The following NKAIN2 variants were observed in gnomAD, a reference collection of about 807,000 sequenced individuals.
NKAIN2 encodes the protein sodium/potassium-transporting ATPase subunit beta-1-interacting protein 2.
Under a neutral mutation model 32.6 loss-of-function variants are expected in NKAIN2, and 14 were observed. That is an observed-to-expected ratio of 0.43 (90% CI 0.28 to 0.67). The LOEUF (loss-of-function observed/expected upper bound fraction) is 0.67. NKAIN2 is among the 30% of genes least tolerant of loss of function. NKAIN2 has a pLI of 0.17. For synonymous variants in NKAIN2, 80 were observed against 87.2 expected, an observed-to-expected ratio of 0.92 and a Z score of 0.46; for missense variants, 198 against 258.3, an observed-to-expected ratio of 0.77 and a Z score of 1.60.
At chr6:124,008,990 A>G (rs1780203083) in intron 1 of NKAIN2, among the ~76,000 whole-genome samples, 1 of 152,202 alleles carries the variant, frequency 6.6e-6, no homozygotes, top group Non-Finnish European at 1.5e-5. Context: ...CATGTACTTT[A>G]AGACGGTATT....
intron 1 of NKAIN2, among the ~76,000 whole-genome samples, chr6:123,835,856 T>C (rs923773036): frequency 6.6e-6 from 1 of 152,168 alleles, no homozygotes; most frequent in Non-Finnish European, 1.5e-5. Flanking sequence ...GGTTCATGGT[T>C]GGACAGTACA....
chr6:124,273,285 A>G (rs149897682), intron 1 of NKAIN2, among the ~76,000 whole-genome samples: 338 of 142,800 alleles, frequency 2.4e-3, no homozygotes, highest in African/African-American at 8.9e-3. Flanking sequence ...AGTTTCCCCC[A>G]TGCTGTTCTC....
chr6:124,807,694 T>C (rs1483807585), intron 5 of NKAIN2, among the ~76,000 whole-genome samples: 1 of 150,606 alleles, frequency 6.6e-6, no homozygotes, highest in African/African-American at 2.4e-5. Flanking sequence ...AATTAATGAA[T>C]CCAGGAGCTG....
At chr6:124,593,161 A>T (rs2114965137) in intron 3 of NKAIN2, among the ~76,000 whole-genome samples, 1 of 152,044 alleles carries the variant, frequency 6.6e-6, no homozygotes, top group African/African-American at 2.4e-5. Flanking sequence ...GATTTACTCT[A>T]ATGGGAATGC....
intron 1 of NKAIN2, among the ~76,000 whole-genome samples, chr6:123,926,691 G>A (rs28561074): frequency 0.31 from 47,552 of 152,050 alleles, 8,349 homozygotes; most frequent in East Asian, 0.64. Flanking sequence ...TTCAGACTGT[G>A]TTAATATTTT....
At chr6:124,674,437 G>A (rs1330940143) in intron 4 of NKAIN2, among the ~76,000 whole-genome samples, 5 of 151,870 alleles carry the variant, frequency 3.3e-5, no homozygotes, top group Admixed American at 3.3e-4. Context: ...TGAATCTGTA[G>A]ATTGTTTCCG....
At chr6:123,888,454 TA>T (rs1292231523) in intron 1 of NKAIN2, among the ~76,000 whole-genome samples, 2 of 152,116 alleles carry the variant, frequency 1.3e-5, no homozygotes, top group African/African-American at 4.8e-5. Flanking sequence ...AGAAGGAGCA[TA>T]AGGGAGAAAA....
chr6:124,139,704 T>A (rs1787041362), intron 1 of NKAIN2, among the ~76,000 whole-genome samples: 2 of 152,160 alleles, frequency 1.3e-5, no homozygotes. Context: ...CCTATAAGAT[T>A]TAAAGGTCTT....
intron 3 of NKAIN2, among the ~76,000 whole-genome samples, chr6:124,427,798 G>A (rs2114554049): frequency 6.6e-6 from 1 of 152,250 alleles, no homozygotes; most frequent in East Asian, 1.9e-4. Flanking sequence ...CTGATGTGAT[G>A]GAAGTCTATT....
intron 4 of NKAIN2, among the ~76,000 whole-genome samples, chr6:124,732,799 G>A (rs565991551): frequency 6.4e-4 from 97 of 151,910 alleles, no homozygotes; most frequent in South Asian, 4.8e-3. Context: ...TTTACTTTAT[G>A]TTCTAGTAAT....
intron 5 of NKAIN2, among the ~76,000 whole-genome samples, chr6:124,803,977 G>C (rs1455216928): frequency 6.6e-6 from 1 of 152,030 alleles, no homozygotes; most frequent in Admixed American, 6.6e-5. Flanking sequence ...ATAACCCTTC[G>C]AAGCTGAAAT....
chr6:124,775,999 C>A (rs1254140326), intron 4 of NKAIN2, among the ~76,000 whole-genome samples: 1 of 152,144 alleles, frequency 6.6e-6, no homozygotes, highest in African/African-American at 2.4e-5. Context: ...AAGTACCTCA[C>A]TCCTGTGCCA....
chr6:124,630,900 T>G (rs1431640895), intron 3 of NKAIN2, among the ~76,000 whole-genome samples: 1 of 152,200 alleles, frequency 6.6e-6, no homozygotes, highest in Non-Finnish European at 1.5e-5. Flanking sequence ...AATTTAGCCT[T>G]AGGAGCTACA....
chr6:124,188,887 A>G (rs1213937092), intron 1 of NKAIN2, among the ~76,000 whole-genome samples: 2 of 152,182 alleles, frequency 1.3e-5, no homozygotes, highest in African/African-American at 4.8e-5. Context: ...AAAATCTCTT[A>G]AGCTTTATTC....
chr6:124,245,260 T>C (rs1462404710), intron 1 of NKAIN2, among the ~76,000 whole-genome samples: 2 of 152,110 alleles, frequency 1.3e-5, no homozygotes, highest in African/African-American at 4.8e-5. Flanking sequence ...CATCACATTT[T>C]AGCACTTCAG....
At chr6:124,030,675 C>G (rs558245070) in intron 1 of NKAIN2, among the ~76,000 whole-genome samples, 1 of 152,332 alleles carries the variant, frequency 6.6e-6, no homozygotes, top group South Asian at 2.1e-4. Flanking sequence ...GCTATCAACA[C>G]TAGCTTTACA....
chr6:123,984,703 A>G (rs932344428), intron 1 of NKAIN2, among the ~76,000 whole-genome samples: 24 of 152,154 alleles, frequency 1.6e-4, no homozygotes, highest in Admixed American at 9.2e-4. Flanking sequence ...TATCAACTCA[A>G]TAGATGAGTT....
At chr6:124,180,795 C>T (rs1008933101) in intron 1 of NKAIN2, among the ~76,000 whole-genome samples, 1 of 152,180 alleles carries the variant, frequency 6.6e-6, no homozygotes, top group Non-Finnish European at 1.5e-5. Context: ...CTGGGTACAG[C>T]CTCCCTCCTG....
chr6:124,674,194 T>G (rs1054696798), intron 4 of NKAIN2, among the ~76,000 whole-genome samples: 1 of 151,986 alleles, frequency 6.6e-6, no homozygotes. Flanking sequence ...ATTTTGGGGC[T>G]CTCTACTCTG....
Sources: allele counts gnomAD v4.1 joint callset (sites outside exome capture counted in the v4.1 genomes callset), GRCh38; gene constraint gnomAD v4.1.1; transcripts MANE v1.5; gene names NCBI Gene and HGNC (gene_info 2026-07-23, HGNC 2026-07-21).